The following STK3 variants were observed in gnomAD, a reference collection of about 807,000 sequenced individuals.
The protein encoded by STK3 is serine/threonine kinase 3.
STK3 carries 41 observed loss-of-function variants against 58.0 expected under a neutral mutation model. The observed-to-expected ratio is 0.71, with a 90% CI of 0.55 to 0.92. The LOEUF (loss-of-function observed/expected upper bound fraction) is 0.92, where lower values mean the gene tolerates loss of function less well. Among genes scored for constraint, STK3 ranks in the 40% least tolerant of loss-of-function variants. The pLI is 0.00. For missense variants in STK3, 479 were observed against 602.7 expected (o/e 0.79, Z 2.15); for synonymous variants, 170 against 191.0 (o/e 0.89, Z 0.91).
intron 2 of STK3, among the ~76,000 whole-genome samples, chr8:98,434,935 T>C (rs1302839449): frequency 6.6e-6 from 1 of 152,058 alleles, no homozygotes; most frequent in African/African-American, 2.4e-5. Flanking sequence ...TTCCATTGAG[T>C]CTATTTTATT....
chr8:98,639,840 G>A (rs1242593072), intron 6 of STK3, among the ~76,000 whole-genome samples: 3 of 152,052 alleles, frequency 2.0e-5, no homozygotes, highest in Non-Finnish European at 4.4e-5. Context: ...GCCAGGCGCG[G>A]TGGCTCACGC....
chr8:98,603,794 A>AGAAGG (rs771283350), intron 6 of STK3, among the ~76,000 whole-genome samples: 3 of 152,114 alleles, frequency 2.0e-5, no homozygotes, highest in Non-Finnish European at 4.4e-5. Flanking sequence ...AAGGAAAGGA[A>AGAAGG]GAAGGGAAGG....
At chr8:98,810,581 A>C (rs1834156002) in intron 1 of STK3, among the ~76,000 whole-genome samples, 1 of 64,576 alleles carries the variant, frequency 1.5e-5, no homozygotes, top group African/African-American at 8.3e-5. Flanking sequence ...TCTTTGGAGA[A>C]ATCTCTAAGT....
chr8:98,510,475 G>A (rs1192337439), intron 10 of STK3, among the ~76,000 whole-genome samples: 1 of 151,440 alleles, frequency 6.6e-6, no homozygotes, highest in Non-Finnish European at 1.5e-5. Flanking sequence ...TTTTAAAACT[G>A]TAAATAAATC....
intron 6 of STK3, among the ~76,000 whole-genome samples, chr8:98,626,429 T>A (rs969822831): frequency 3.3e-5 from 5 of 152,234 alleles, no homozygotes; most frequent in African/African-American, 9.6e-5. Flanking sequence ...ACAGCCACAC[T>A]CATTCATTTA....
chr8:98,358,710 G>A, the STK3 span, among the ~76,000 whole-genome samples: 5 of 152,218 alleles, frequency 3.3e-5, no homozygotes, highest in East Asian at 1.9e-4. Context: ...AGGGGAATGA[G>A]GGGGGAGTGA....
intron 1 of STK3, chr8:98,439,224 C>A (rs910397968): frequency 3.3e-5 from 5 of 152,156 alleles, no homozygotes; most frequent in African/African-American, 1.2e-4. Context: ...ATGCCTGGCA[C>A]AGAATAAATG....
At chr8:98,351,575 AG>A in the STK3 span, among the ~76,000 whole-genome samples, 2 of 152,172 alleles carry the variant, frequency 1.3e-5, no homozygotes, top group Non-Finnish European at 2.9e-5. Flanking sequence ...GGTTAATAAA[AG>A]TTCTGTCATC....
intron 1 of STK3, among the ~76,000 whole-genome samples, chr8:98,795,097 A>T (rs1833050927): frequency 3.2e-5 from 2 of 61,724 alleles, no homozygotes; most frequent in African/African-American, 1.4e-4. Flanking sequence ...AAAAAAAAAA[A>T]AAAAAAATAT....
chr8:98,549,485 T>G (rs1810993075), intron 8 of STK3, among the ~76,000 whole-genome samples: 1 of 152,198 alleles, frequency 6.6e-6, no homozygotes, highest in Admixed American at 6.5e-5. Flanking sequence ...TGGATATTAA[T>G]TCCTTACCAG....
intron 1 of STK3, among the ~76,000 whole-genome samples, chr8:98,907,375 G>A (rs1209108836): frequency 6.6e-6 from 1 of 151,512 alleles, no homozygotes; most frequent in Non-Finnish European, 1.5e-5. Flanking sequence ...TTAGCCAGGC[G>A]TGGTGGCACC....
At chr8:98,378,485 G>C (rs1054447896) in intron 2 of STK3, among the ~76,000 whole-genome samples, 4 of 152,158 alleles carry the variant, frequency 2.6e-5, no homozygotes, top group Non-Finnish European at 5.9e-5. Context: ...TGTGACTTGG[G>C]CAAATTATTT....
intron 6 of STK3, among the ~76,000 whole-genome samples, chr8:98,671,373 C>T (rs1822819141): frequency 6.6e-6 from 1 of 151,998 alleles, no homozygotes; most frequent in African/African-American, 2.4e-5. Flanking sequence ...TTCATTACAG[C>T]TACATACAAA....
chr8:98,370,486 A>T (rs1817600441), downstream of STK3, among the ~76,000 whole-genome samples: 1 of 152,052 alleles, frequency 6.6e-6, no homozygotes, highest in African/African-American at 2.4e-5. Context: ...CTTATGCCTG[A>T]AAAGCCGAAA....
At chr8:98,614,193 A>G (rs1416249934) in intron 6 of STK3, among the ~76,000 whole-genome samples, 2 of 152,232 alleles carry the variant, frequency 1.3e-5, no homozygotes, top group African/African-American at 4.8e-5. Context: ...CAAAATTTAT[A>G]GAATACCCCA....
chr8:98,891,233 C>T (rs895926237), intron 1 of STK3, among the ~76,000 whole-genome samples: 2 of 152,138 alleles, frequency 1.3e-5, no homozygotes, highest in African/African-American at 2.4e-5. Flanking sequence ...CTGGCAGCCC[C>T]GGGAGAAACA....
In STK3 at chr8:98,642,967, A is replaced by T. The variant is rs189367496; in HGVS notation, c.685-46798T>A. ...GCTAGGCACAGTGGCCCATGTCTGT[A>T]ATCTCAGCATTTTGGGAGGGCAAGG... On this transcript the variant is annotated intron_variant, in intron 6 of 10. Coordinates refer to ENST00000419617, the MANE Select transcript of STK3 (RefSeq NM_006281.4). Among the ~76,000 whole-genome samples, 131 of 152,316 alleles carry T rather than the reference A, an allele frequency of 8.6e-4. 2 individuals carry two copies. In the South Asian group the frequency reaches 0.018, roughly 20 times the overall value.
chr8:98,400,993 C>A (rs1460805094), downstream of STK3, among the ~76,000 whole-genome samples: 1 of 152,020 alleles, frequency 6.6e-6, no homozygotes, highest in African/African-American at 2.4e-5. Context: ...TCTGGGTGGG[C>A]CTTTTGACTG....
chr8:98,781,826 A>G (rs1832109567), intron 1 of STK3, among the ~76,000 whole-genome samples: 1 of 152,190 alleles, frequency 6.6e-6, no homozygotes, highest in South Asian at 2.1e-4. Context: ...CCTATGAGTA[A>G]TCAGGAACTA....
Sources: gnomAD v4.1 joint callset for allele counts (sites outside exome capture counted in the v4.1 genomes callset) on GRCh38, gnomAD v4.1.1 for gene constraint, MANE v1.5 for transcripts, NCBI Gene and HGNC (gene_info 2026-07-23, HGNC 2026-07-21) for gene names.